The following RORA variants were observed in gnomAD, a reference collection of about 807,000 sequenced individuals.
RORA encodes RAR related orphan receptor A.
In RORA, 7 loss-of-function variants were observed where a neutral mutation model predicts 69.5. The ratio of observed to expected loss-of-function variants is 0.10; its 90% CI spans 0.06 to 0.19. The LOEUF is 0.19. Ranked by LOEUF, RORA falls within the 10% of genes least tolerant of loss-of-function variation. The pLI is 1.00. For missense variants in RORA, 457 were observed against 663.0 expected (o/e 0.69, Z 3.41); for synonymous variants, 261 against 240.8 (o/e 1.08, Z -0.78).
chr15:60,645,576 A>G (rs963514712), intron 2 of RORA, among the ~76,000 whole-genome samples: 8 of 151,996 alleles, frequency 5.3e-5, no homozygotes, highest in African/African-American at 1.9e-4. Context: ...ATTTTTTTGT[A>G]AAGACGGGGT....
At chr15:61,184,071 A>G (rs1419206231) in intron 1 of RORA, among the ~76,000 whole-genome samples, 1 of 152,232 alleles carries the variant, frequency 6.6e-6, no homozygotes, top group Non-Finnish European at 1.5e-5. Context: ...CACAGAACTC[A>G]AAAACACATC....
intron 1 of RORA, among the ~76,000 whole-genome samples, chr15:60,788,770 A>G (rs2072376008): frequency 6.6e-6 from 1 of 152,088 alleles, no homozygotes; most frequent in African/African-American, 2.4e-5. Context: ...GGCCCATCCA[A>G]ACCTGCTGTC....
At chr15:61,102,967 A>G (rs2078901351) in intron 1 of RORA, among the ~76,000 whole-genome samples, 1 of 152,196 alleles carries the variant, frequency 6.6e-6, no homozygotes, top group Non-Finnish European at 1.5e-5. Flanking sequence ...CTTAATTTTG[A>G]ATGCCCAGTG....
chr15:61,226,985 TG>T lies in RORA; in HGVS notation c.166+2067del, dbSNP rs1338637869. On this transcript the variant is annotated intron_variant, in intron 1 of 10. Coordinates refer to ENST00000335670, the MANE Select transcript of RORA (RefSeq NM_134261.3). The surrounding 1 kb of genome is among the most constrained non-coding windows in gnomAD (Gnocchi z 4.2). ...TTTTTGCTGAGCCTAAGGGGGCTGG[TG>T]GCACTGAATGCTCCGGCGTTACATA... is the stretch of plus-strand genomic sequence containing the variant. Among the ~76,000 whole-genome samples, 2 of 152,050 alleles carry T rather than the reference TG, an allele frequency of 1.3e-5. No individual in the cohort carries two copies. The highest frequency in any genetic ancestry group is 1.5e-5 in the Non-Finnish European group (1 of 68,008).
chr15:60,820,039 G>A (rs2072873624), intron 1 of RORA, among the ~76,000 whole-genome samples: 2 of 152,250 alleles, frequency 1.3e-5, no homozygotes, highest in African/African-American at 4.8e-5. Context: ...CAAACTAAAA[G>A]TGTTCATGCG....
At chr15:60,888,245 C>T (rs1209487720) in intron 1 of RORA, among the ~76,000 whole-genome samples, 2 of 152,218 alleles carry the variant, frequency 1.3e-5, no homozygotes, top group East Asian at 3.9e-4. Context: ...ATTTCAGGGT[C>T]CCAGCTGGGC....
chr15:61,049,790 G>A (rs562332237), intron 1 of RORA, among the ~76,000 whole-genome samples: 168 of 152,146 alleles, frequency 1.1e-3, no homozygotes, highest in African/African-American at 3.0e-3. Context: ...CTCCTGAGTC[G>A]CTGGGATTAT....
intron 1 of RORA, among the ~76,000 whole-genome samples, chr15:61,009,162 T>C (rs1429903533): frequency 2.0e-5 from 3 of 152,222 alleles, no homozygotes; most frequent in African/African-American, 7.2e-5. Flanking sequence ...ATGCCATCGC[T>C]GTTAGAAGAA....
intron 1 of RORA, among the ~76,000 whole-genome samples, chr15:60,744,785 C>T (rs548227547): frequency 6.6e-6 from 1 of 152,302 alleles, no homozygotes; most frequent in East Asian, 1.9e-4. Flanking sequence ...TGATTCTGCC[C>T]AGGGCCATTA....
At chr15:60,819,441 G>T (rs961015205) in intron 1 of RORA, among the ~76,000 whole-genome samples, 1 of 152,140 alleles carries the variant, frequency 6.6e-6, no homozygotes, top group African/African-American at 2.4e-5. Flanking sequence ...AGGTAACTTA[G>T]CCTTTTCTTC....
intron 7 of RORA, 69 bp from the exon 8 acceptor site, chr15:60,502,936 C>G (rs1212516107): frequency 9.8e-7 from 1 of 1,022,076 alleles, no homozygotes; most frequent in Non-Finnish European, 1.6e-6. Context: ...TTCTAAGCTG[C>G]TCATGTAGAG....
rs1182573083 is a variant in RORA, at chr15:60,526,620, C to T, written c.282+5146G>A. 5.9e-5 allele frequency among the ~76,000 whole-genome samples: 9 copies of T among 152,272 alleles called. No homozygotes were observed. In the East Asian group the frequency reaches 1.7e-3, roughly 29 times the overall value. On this transcript the variant is annotated intron_variant, in intron 3 of 10. Transcript: ENST00000335670. ...GCTTACTGCCTGTGTATAACAGAACCGAAACTCAGGCATCGTAAGGATGCA... is the reference window on the plus strand; with the variant it reads ...GCTTACTGCCTGTGTATAACAGAACTGAAACTCAGGCATCGTAAGGATGCA...
chr15:60,508,849 T>C (rs2065599169), intron 5 of RORA, among the ~76,000 whole-genome samples: 1 of 152,236 alleles, frequency 6.6e-6, no homozygotes, highest in Admixed American at 6.5e-5. Context: ...AAACCTAATT[T>C]GCACTTAAAA....
intron 2 of RORA, among the ~76,000 whole-genome samples, chr15:60,653,437 G>T (rs1425284448): frequency 2.0e-5 from 3 of 152,036 alleles, no homozygotes; most frequent in African/African-American, 7.2e-5. Flanking sequence ...AAGTGCACTC[G>T]TACAACAAGG....
intron 1 of RORA, among the ~76,000 whole-genome samples, chr15:61,052,850 G>T (rs977554232): frequency 2.6e-5 from 4 of 152,012 alleles, no homozygotes; most frequent in Non-Finnish European, 4.4e-5. Flanking sequence ...AGTTGGCTTG[G>T]ATGTACCCTG....
At chr15:60,611,131 C>G (rs1161200320) in intron 2 of RORA, among the ~76,000 whole-genome samples, 1 of 152,134 alleles carries the variant, frequency 6.6e-6, no homozygotes, top group Non-Finnish European at 1.5e-5. Context: ...AATAAAATTT[C>G]TATTGCCGCT....
At chr15:60,888,431 G>A (rs1021577556) in intron 1 of RORA, among the ~76,000 whole-genome samples, 2 of 152,200 alleles carry the variant, frequency 1.3e-5, no homozygotes, top group Non-Finnish European at 2.9e-5. Context: ...TACACGGGGC[G>A]AAAAGGGAGA....
chr15:60,899,103 A>G (rs1408726704), intron 1 of RORA, among the ~76,000 whole-genome samples: 2 of 152,228 alleles, frequency 1.3e-5, no homozygotes, highest in Non-Finnish European at 2.9e-5. Context: ...GGTTGTTCGC[A>G]ATGCAACAGA....
intron 1 of RORA, among the ~76,000 whole-genome samples, chr15:60,761,790 G>C (rs944910908): frequency 6.6e-6 from 1 of 152,128 alleles, no homozygotes; most frequent in African/African-American, 2.4e-5. Flanking sequence ...ACAAATATTT[G>C]TTTAGAAAGC....
Sources: gnomAD v4.1 joint callset for allele counts (sites outside exome capture counted in the v4.1 genomes callset) on GRCh38, gnomAD v4.1.1 for gene constraint, Gnocchi (gnomAD v3.1) non-coding constraint, MANE v1.5 for transcripts, NCBI Gene and HGNC (gene_info 2026-07-23, HGNC 2026-07-21) for gene names.